ANO1: variants seen among roughly 807,000 people sequenced by gnomAD.
ANO1 encodes anoctamin-1.
ANO1 carries 59 observed loss-of-function variants against 124.0 expected under a neutral mutation model. The ratio of observed to expected loss-of-function variants is 0.48; its 90% confidence interval spans 0.39 to 0.59. ANO1 has a LOEUF of 0.59. ANO1 is among the 20% of genes least tolerant of loss of function. The pLI is 0.00. For synonymous variants in ANO1, 529 were observed against 532.0 expected (o/e 0.99, Z 0.08); for missense variants, 1,059 against 1,328.0 (o/e 0.80, Z 3.15).
At chr11:70,013,685 C>T (rs185030388) in intron 1 of ANO1, among the ~76,000 whole-genome samples, 55 of 152,070 alleles carry the variant, frequency 3.6e-4, no homozygotes, top group Non-Finnish European at 4.7e-4. Context: ...GCCTCAAGTC[C>T]CAGCTACTCA....
intron 8 of ANO1, among the ~76,000 whole-genome samples, chr11:70,120,186 G>A (rs535628699): frequency 1.3e-5 from 2 of 152,236 alleles, no homozygotes. Context: ...GCTGGAGGGT[G>A]GGCAGAAGAG....
intron 1 of ANO1, among the ~76,000 whole-genome samples, chr11:70,033,730 T>C (rs368021140): frequency 1.6e-4 from 24 of 152,212 alleles, no homozygotes; most frequent in African/African-American, 5.8e-4. Flanking sequence ...GCCATTTGTA[T>C]AAATCAGACT....
At chr11:70,127,843 C>T (rs758798236) in intron 10 of ANO1, among the ~76,000 whole-genome samples, 1 of 152,220 alleles carries the variant, frequency 6.6e-6, no homozygotes, top group Non-Finnish European at 1.5e-5. Context: ...GTTTCTATGC[C>T]GACAGGCAGT....
intron 24 of ANO1, among the ~76,000 whole-genome samples, chr11:70,183,496 T>C (rs1243679800): frequency 6.6e-6 from 1 of 152,010 alleles, no homozygotes; most frequent in Admixed American, 6.5e-5. Context: ...TGTGCCAGGG[T>C]GTGAGGTCAC....
chr11:70,078,162 C>T (rs1285474928), upstream of ANO1: 3 of 152,428 alleles, frequency 2.0e-5, no homozygotes, highest in African/African-American at 4.8e-5. Context: ...GGGCACTTTC[C>T]CTGGATAAAA....
At chr11:70,163,233 G>A in intron 18 of ANO1, 50 bp from the exon 19 acceptor site, 1 of 1,594,744 alleles carries the variant, frequency 6.3e-7, no homozygotes, top group Admixed American at 1.7e-5. Context: ...CTCTCCCCGA[G>A]CTGAGCCAGG....
chr11:70,105,106 G>T (rs1317607447), intron 4 of ANO1, among the ~76,000 whole-genome samples: 1 of 152,038 alleles, frequency 6.6e-6, no homozygotes, highest in Non-Finnish European at 1.5e-5. Context: ...TCTGCCCTGG[G>T]TCGACTCTGT....
chr11:69,993,954 C>T (rs1477802231), intron 1 of ANO1, among the ~76,000 whole-genome samples: 1 of 152,236 alleles, frequency 6.6e-6, no homozygotes, highest in African/African-American at 2.4e-5. Flanking sequence ...GCGGCACAGG[C>T]CCCTCTCCCT....
rs540220594 is a variant in ANO1, at chr11:70,187,917, G to A, written c.2874G>A (p.Pro958=). The part of the protein sequence containing the change: ...WMEKERQKDE[P]PCNHHNTKAC... ...AGAAGGAGCGGCAGAAGGACGAGCC[G>A]CCGTGCAACCACCACAACACCAAAG... Residue 958 remains proline (P), a synonymous_variant, in exon 26 of 26, where the codon CCG becomes CCA. Coordinates refer to ENST00000355303, the MANE Select transcript of ANO1 (RefSeq NM_018043.7). 15 of 1,587,382 alleles carry A rather than the reference G, an allele frequency of 9.4e-6. No homozygotes were observed. Among genetic ancestry groups the A allele is most frequent in the African/African-American group, 4.0e-5 (3 of 74,422 alleles).
chr11:70,019,284 C>T (rs1475907232), intron 1 of ANO1, among the ~76,000 whole-genome samples: 2 of 143,516 alleles, frequency 1.4e-5, no homozygotes, highest in African/African-American at 2.6e-5. Flanking sequence ...CGTCTATGGA[C>T]TCACAACCCA....
chr11:70,059,073 T>C (rs1449889118), intron 1 of ANO1, among the ~76,000 whole-genome samples: 1 of 151,072 alleles, frequency 6.6e-6, no homozygotes, highest in African/African-American at 2.4e-5. Context: ...GCGCCTGCAG[T>C]CCCAGCTACT....
chr11:70,088,940 A>G (rs1284664648), intron 2 of ANO1, among the ~76,000 whole-genome samples: 1 of 152,196 alleles, frequency 6.6e-6, no homozygotes. Flanking sequence ...GAAAGATTTC[A>G]AAAGAGAACA....
intron 1 of ANO1, among the ~76,000 whole-genome samples, chr11:70,062,180 G>A (rs964776446): frequency 9.1e-5 from 13 of 142,330 alleles, no homozygotes; most frequent in South Asian, 2.4e-4. Flanking sequence ...AGGTTCAAGC[G>A]ATTCTCCTGC....
At chr11:70,042,966 A>G (rs376982028) in intron 1 of ANO1, among the ~76,000 whole-genome samples, 31 of 152,362 alleles carry the variant, frequency 2.0e-4, no homozygotes, top group African/African-American at 7.2e-4. Flanking sequence ...TTAATAAAAA[A>G]TTAGCAGGCA....
In ANO1 at chr11:70,039,557, CACCTCCCCTTCCGCAGGTGGTAGTCCT is replaced by C. The variant is rs1266085726; in HGVS notation, c.59-38946_59-38920del. On this transcript the variant is annotated intron_variant, in intron 1 of 27. Coordinates refer to the ANO1 transcript ENST00000531349. ...AACCATCTTCCCCCTTTTCTAGTCC[CACCTCCCCTTCCGCAGGTGGTAGTCCT>C]ACCTCCCCTTCCGCAGGTGGTAGTC... Among the ~76,000 whole-genome samples the C allele has an allele frequency of 2.2e-3, 335 of 151,786 alleles. 2 individuals carry two copies. Among genetic ancestry groups the C allele is most frequent in the Non-Finnish European group, 2.4e-3 (165 of 67,926 alleles).
In ANO1 at chr11:70,177,594, C is replaced by T. The variant is rs138759334; in HGVS notation, c.2351-2410C>T. The stretch of plus-strand genomic sequence containing the variant: ...TCGATTTTTCTTTTCTTTTTTTTTT[C>T]TTTTTTTTTTTTTTTTTTTTTTTGA... On this transcript the variant is annotated intron_variant, in intron 22 of 25. Transcript: ENST00000355303. Among the ~76,000 whole-genome samples, 158 of 78,932 alleles carry T rather than the reference C, an allele frequency of 2.0e-3. 1 individual carries two copies. The East Asian group carries it at 0.026, about 13-fold the overall frequency. The allele number at this position is 78,932 out of a possible 152,430, so 51.8% of individuals were successfully genotyped here.
At chr11:70,126,318 CGCCAAGCCACGA>C in intron 10 of ANO1, 123 bp downstream of exon 10, 2 of 1,243,894 alleles carry the variant, frequency 1.6e-6, no homozygotes, top group Non-Finnish European at 2.2e-6. Context: ...TGAAACCTCA[CGCCAAGCCACGA>C]GCCGTCAGGA....
At position 70,067,323 on chromosome 11, in the gene ANO1, G is replaced by GGTT. The variant is rs1555008734; in HGVS notation, c.59-11219_59-11218insGTT. Among the ~76,000 whole-genome samples the GGTT allele has an allele frequency of 2.5e-4, 32 of 126,518 alleles. 11 individuals carry two copies. The highest frequency in any genetic ancestry group is 2.5e-4 in the Non-Finnish European group (15 of 60,078). The allele number at this position is 126,518 out of a possible 152,430, so 83.0% of individuals were successfully genotyped here. Reference sequence around the variant, plus strand: ...TCCAAGGGGACAAGGAATCGTGGGTGTTTTTTTTTTTTTTTTTTTTTTGAG... The same window carrying GGTT: ...TCCAAGGGGACAAGGAATCGTGGGTGGTTTTTTTTTTTTTTTTTTTTTTTTGAG... On this transcript the variant is annotated intron_variant, in intron 1 of 27. Transcript: ENST00000531349.
chr11:70,184,359 C>T (rs55799623), intron 24 of ANO1, among the ~76,000 whole-genome samples: 45,573 of 152,018 alleles, frequency 0.3, 8,019 homozygotes, highest in East Asian at 0.52. Context: ...AACTGGAGCA[C>T]GGGCAGTGGT....
Sources: allele counts gnomAD v4.1 joint callset (sites outside exome capture counted in the v4.1 genomes callset), GRCh38; gene constraint gnomAD v4.1.1; transcripts MANE v1.5; gene names NCBI Gene and HGNC (gene_info 2026-07-23, HGNC 2026-07-21).